Variants in AFF3 observed in about 807,000 individuals in gnomAD.
The protein encoded by AFF3 is AF4/FMR2 family member 3.
Under a neutral mutation model 129.7 loss-of-function variants are expected in AFF3, and 32 were observed. The observed-to-expected ratio is 0.25, with a 90% CI of 0.19 to 0.33. The LOEUF (loss-of-function observed/expected upper bound fraction) is 0.33. Ranked by LOEUF, AFF3 falls within the 10% of genes least tolerant of loss-of-function variation. AFF3 has a pLI of 1.00. For synonymous variants in AFF3, 644 were observed against 635.4 expected (o/e 1.01, Z -0.20); for missense variants, 1,373 against 1,592.0 (o/e 0.86, Z 2.34).
chr2:100,133,413 T>A (rs1367926952), intron 1 of AFF3, among the ~76,000 whole-genome samples: 1 of 152,100 alleles, frequency 6.6e-6, no homozygotes. Context: ...TTAACCAGAG[T>A]GCAGTCATAC....
intron 2 of AFF3, chr2:100,105,845 C>G: frequency 7.5e-7 from 1 of 1,339,974 alleles, no homozygotes; most frequent in Non-Finnish European, 9.9e-7. Context: ...AGCTCAGAGC[C>G]CTGCAGTTGT....
intron 7 of AFF3, among the ~76,000 whole-genome samples, chr2:99,881,014 T>C (rs1692673500): frequency 6.6e-6 from 1 of 152,088 alleles, no homozygotes; most frequent in Non-Finnish European, 1.5e-5. Context: ...CCAACAGGCT[T>C]TCTATTTCTG....
chr2:99,771,824 A>G (rs992062699), intron 8 of AFF3, among the ~76,000 whole-genome samples: 7 of 152,172 alleles, frequency 4.6e-5, no homozygotes, highest in African/African-American at 1.7e-4. Flanking sequence ...GAGCTGCCCA[A>G]GGCCTCTCAG....
intron 11 of AFF3, among the ~76,000 whole-genome samples, chr2:99,706,387 C>A (rs1677385888): frequency 6.6e-6 from 1 of 152,196 alleles, no homozygotes; most frequent in Admixed American, 6.5e-5. Context: ...ATTAAAACAG[C>A]ACCTGCTTCT....
intron 4 of AFF3, among the ~76,000 whole-genome samples, chr2:100,093,689 T>G (rs1294790835): frequency 2.6e-5 from 4 of 152,054 alleles, no homozygotes; most frequent in Non-Finnish European, 5.9e-5. Context: ...AGAGTCCTGG[T>G]GTTACCCGCT....
intron 7 of AFF3, among the ~76,000 whole-genome samples, chr2:99,991,036 C>T (rs923024174): frequency 2.0e-5 from 3 of 152,118 alleles, no homozygotes; most frequent in African/African-American, 7.2e-5. Flanking sequence ...CCAACCTTCA[C>T]GAACCTTTAT....
chr2:99,759,955 C>T (rs1682443352), intron 8 of AFF3, among the ~76,000 whole-genome samples: 1 of 152,150 alleles, frequency 6.6e-6, no homozygotes, highest in South Asian at 2.1e-4. Flanking sequence ...TCAATCAGAT[C>T]TCAGTTTGTG....
At chr2:99,568,992 C>G (rs1676239173) in intron 18 of AFF3, 77 bp from the exon 19 acceptor site, 2 of 1,397,150 alleles carry the variant, frequency 1.4e-6, no homozygotes, top group African/African-American at 1.4e-5. Flanking sequence ...TCCTTTCACT[C>G]AAACTTAAGG....
chr2:100,107,898 C>T (rs7576103), intron 2 of AFF3, among the ~76,000 whole-genome samples: 3,697 of 152,196 alleles, frequency 0.024, 139 homozygotes, highest in African/African-American at 0.083. Context: ...ATCCTGAAGA[C>T]GCAGCTGCAA....
chr2:100,085,038 C>T (rs1257862876), intron 4 of AFF3, among the ~76,000 whole-genome samples: 1 of 152,118 alleles, frequency 6.6e-6, no homozygotes, highest in African/African-American at 2.4e-5. Flanking sequence ...ACAAAATTAT[C>T]AGTTTCTGTC....
chr2:99,801,694 C>A (rs62147566), intron 8 of AFF3, among the ~76,000 whole-genome samples: 1 of 152,228 alleles, frequency 6.6e-6, no homozygotes, highest in African/African-American at 2.4e-5. Context: ...TCTACTTTTA[C>A]GACCTCTCAT....
Position 99,750,612 on chromosome 2 carries a change from T to A in AFF3, c.1002+1609A>T, listed in dbSNP as rs571698807. 2.0e-5 allele frequency among the ~76,000 whole-genome samples: 3 copies of A among 152,126 alleles called. No individual in the cohort carries two copies. The East Asian group carries it at 5.8e-4, about 30-fold the overall frequency. ...TTCATATTTTTGTTGAGATGGTGTC[T>A]CACTATGTTGCCCAAGCTGGTCTTG... On this transcript the variant is annotated intron_variant, in intron 9 of 24. Coordinates refer to ENST00000672756, the MANE Select transcript of AFF3 (RefSeq NM_001386135.1).
At chr2:99,596,984 C>T (rs1330327314) in intron 14 of AFF3, among the ~76,000 whole-genome samples, 1 of 152,148 alleles carries the variant, frequency 6.6e-6, no homozygotes, top group Non-Finnish European at 1.5e-5. Flanking sequence ...TCCATTATCT[C>T]GTAATCATCT....
chr2:99,993,539 A>G (rs547126712), intron 7 of AFF3, among the ~76,000 whole-genome samples: 8 of 152,000 alleles, frequency 5.3e-5, no homozygotes, highest in Middle Eastern at 3.4e-3. Flanking sequence ...AACTAAAGAT[A>G]AAACTAATAT....
intron 7 of AFF3, among the ~76,000 whole-genome samples, chr2:99,882,052 CCTGTCTCTCTCTCTCTCTCT>C (rs775227648): frequency 2.0e-3 from 309 of 151,850 alleles, no homozygotes; most frequent in Non-Finnish European, 3.4e-3. Context: ...TCCTCATTTG[CCTGTCTCTCTCTCTCTCTCT>C]CTGTCTCTCT....
chr2:99,780,055 T>A (rs1005799980), intron 8 of AFF3, among the ~76,000 whole-genome samples: 2 of 152,188 alleles, frequency 1.3e-5, no homozygotes, highest in African/African-American at 4.8e-5. Context: ...TGAGCATGTG[T>A]TCATAATCCT....
At chr2:99,661,113 T>C (rs1686192173) in intron 12 of AFF3, among the ~76,000 whole-genome samples, 1 of 152,180 alleles carries the variant, frequency 6.6e-6, no homozygotes, top group Admixed American at 6.5e-5. Context: ...ACAACATCTC[T>C]TGTAGGGTTT....
intron 7 of AFF3, among the ~76,000 whole-genome samples, chr2:99,952,500 G>A (rs1020286127): frequency 3.3e-5 from 5 of 151,984 alleles, no homozygotes; most frequent in South Asian, 2.1e-4. Context: ...CCTCTGTCCC[G>A]CTGCCCCCAT....
At chr2:100,029,497 C>G (rs1020025342) in intron 4 of AFF3, among the ~76,000 whole-genome samples, 5 of 152,144 alleles carry the variant, frequency 3.3e-5, no homozygotes, top group African/African-American at 1.2e-4. Context: ...GCATCCCTAG[C>G]AACTAACGCA....
Sources: gnomAD v4.1 joint callset for allele counts (sites outside exome capture counted in the v4.1 genomes callset) on GRCh38, gnomAD v4.1.1 for gene constraint, MANE v1.5 for transcripts, NCBI Gene and HGNC (gene_info 2026-07-23, HGNC 2026-07-21) for gene names.